FTO: variants seen among roughly 807,000 people sequenced by gnomAD.
The protein encoded by FTO is FTO alpha-ketoglutarate dependent dioxygenase, also known as alpha-ketoglutarate-dependent dioxygenase FTO.
Under a neutral mutation model 63.9 loss-of-function variants are expected in FTO, and 47 were observed. The ratio of observed to expected loss-of-function variants is 0.74; its 90% confidence interval spans 0.58 to 0.94. The LOEUF (loss-of-function observed/expected upper bound fraction) is 0.94. Among genes scored for constraint, FTO ranks in the 40% least tolerant of loss-of-function variants. FTO has a pLI of 0.00. For synonymous variants in FTO, 207 were observed against 224.4 expected (o/e 0.92, Z 0.69); for missense variants, 562 against 618.1 (o/e 0.91, Z 0.96).
intron 7 of FTO, among the ~76,000 whole-genome samples, chr16:53,894,595 A>AT (rs1230062412): frequency 2.0e-5 from 3 of 150,938 alleles, no homozygotes; most frequent in Non-Finnish European, 4.4e-5. Context: ...TAAATATCGA[A>AT]TTTTTTTGTT....
chr16:53,960,573 G>A (rs2088352223), intron 8 of FTO, among the ~76,000 whole-genome samples: 1 of 152,140 alleles, frequency 6.6e-6, no homozygotes, highest in African/African-American at 2.4e-5. Flanking sequence ...CTTACCTCTG[G>A]TGCTGGGGGA....
intron 6 of FTO, among the ~76,000 whole-genome samples, chr16:53,880,937 T>TAAAAAAAAAA (rs34062544): frequency 1.0e-4 from 7 of 67,674 alleles, no homozygotes; most frequent in Non-Finnish European, 1.9e-4. Context: ...CCGTCTCTAC[T>TAAAAAAAAAA]AAAAAAAAAA....
intron 8 of FTO, among the ~76,000 whole-genome samples, chr16:54,055,515 A>G (rs1435949469): frequency 3.3e-5 from 5 of 152,208 alleles, no homozygotes; most frequent in Non-Finnish European, 5.9e-5. Flanking sequence ...TAAAGAAAGG[A>G]TATATAGGAA....
chr16:53,810,225 A>G lies in FTO; in HGVS notation c.123+8A>G, dbSNP rs774554017. ...GATGAATTCTATCAGCAGGTAAGGT[A>G]TTTTAATATTTTTATCAGTTTCAGT... On this transcript the variant is annotated splice_region_variant and intron_variant, in intron 2 of 8. Coordinates refer to ENST00000471389, the MANE Select transcript of FTO (RefSeq NM_001080432.3). The G allele has an allele frequency of 4.5e-6, 7 of 1,566,954 alleles. No individual in the cohort carries two copies. Among genetic ancestry groups the G allele is most frequent in the Non-Finnish European group, 6.2e-6 (7 of 1,138,094 alleles).
At chr16:53,869,628 A>C (rs1442534035) in intron 4 of FTO, among the ~76,000 whole-genome samples, 1 of 147,532 alleles carries the variant, frequency 6.8e-6, no homozygotes, top group African/African-American at 2.5e-5. Context: ...GAGATCTTTC[A>C]TCTGCCTTGC....
At chr16:54,008,978 C>T (rs1051069892) in intron 8 of FTO, among the ~76,000 whole-genome samples, 3 of 149,286 alleles carry the variant, frequency 2.0e-5, no homozygotes, top group East Asian at 3.9e-4. Context: ...TGCCTTTGCA[C>T]TCCAGCCTGA....
intron 8 of FTO, among the ~76,000 whole-genome samples, chr16:54,049,765 G>A (rs1292572716): frequency 1.3e-5 from 2 of 152,174 alleles, no homozygotes; most frequent in Admixed American, 1.3e-4. Flanking sequence ...TCAGAAGGTG[G>A]CCACTCTGAG....
Position 53,898,290 on chromosome 16 carries a change from G to T in FTO, c.1239+9339G>T, listed in dbSNP as rs961232407. The stretch of plus-strand genomic sequence containing the variant: ...CTTGCCCAGGATTTTTGCATGTGCC[G>T]CTGCCTTTGTCTGGAATGTCTGTCC... On this transcript the variant is annotated intron_variant, in intron 7 of 8. Transcript: ENST00000471389. Among the ~76,000 whole-genome samples the T allele has an allele frequency of 2.6e-5, 4 of 152,038 alleles. No homozygotes were observed. The South Asian group carries it at 8.3e-4, about 32-fold the overall frequency.
At chr16:53,798,516 T>C (rs1471304447) in intron 1 of FTO, among the ~76,000 whole-genome samples, 1 of 152,322 alleles carries the variant, frequency 6.6e-6, no homozygotes, top group East Asian at 1.9e-4. Flanking sequence ...GAGTACTTTA[T>C]AATTTTTGTT....
intron 1 of FTO, among the ~76,000 whole-genome samples, chr16:53,749,375 A>T (rs1323543888): frequency 6.6e-6 from 1 of 151,924 alleles, no homozygotes; most frequent in African/African-American, 2.4e-5. Flanking sequence ...ACTGAATAGA[A>T]GTGGCAAGAG....
intron 4 of FTO, among the ~76,000 whole-genome samples, chr16:53,857,470 CTATA>C (rs539268198): frequency 6.7e-6 from 1 of 148,994 alleles, no homozygotes. Context: ...CTCTCTCTTT[CTATA>C]TATATATAGG....
intron 4 of FTO, among the ~76,000 whole-genome samples, chr16:53,872,503 A>G (rs918952776): frequency 5.3e-5 from 8 of 152,152 alleles, no homozygotes; most frequent in Admixed American, 4.6e-4. Flanking sequence ...AACTGTTTCC[A>G]TGGAGTAAGT....
intron 2 of FTO, among the ~76,000 whole-genome samples, chr16:53,824,707 T>C (rs1246610546): frequency 6.6e-6 from 1 of 152,158 alleles, no homozygotes; most frequent in African/African-American, 2.4e-5. Flanking sequence ...ATCTTAACAA[T>C]GGTGGGCAAC....
intron 8 of FTO, among the ~76,000 whole-genome samples, chr16:54,018,458 A>G (rs1373383489): frequency 6.6e-6 from 1 of 151,950 alleles, no homozygotes; most frequent in South Asian, 2.1e-4. Flanking sequence ...ACATTCATTC[A>G]TGTGTTTGTG....
intron 2 of FTO, among the ~76,000 whole-genome samples, chr16:53,821,900 A>G (rs1021977872): frequency 6.6e-6 from 1 of 152,192 alleles, no homozygotes; most frequent in South Asian, 2.1e-4. Flanking sequence ...GTTGGCACAG[A>G]GTCACTACCC....
chr16:53,858,930 A>G (rs894972166), intron 4 of FTO, among the ~76,000 whole-genome samples: 14 of 152,222 alleles, frequency 9.2e-5, no homozygotes, highest in African/African-American at 3.4e-4. Flanking sequence ...AAGTGCTGGG[A>G]TTACAGGCAT....
chr16:53,966,341 A>G (rs1169840976), intron 8 of FTO, among the ~76,000 whole-genome samples: 1 of 152,226 alleles, frequency 6.6e-6, no homozygotes, highest in Middle Eastern at 3.2e-3. Context: ...TTCTATGTGG[A>G]ATTGCCCATA....
chr16:54,081,071 AT>A (rs1173824629), intron 8 of FTO, among the ~76,000 whole-genome samples: 11 of 152,004 alleles, frequency 7.2e-5, no homozygotes, highest in African/African-American at 1.9e-4. Flanking sequence ...AGGAGTTGGG[AT>A]TTTTTTTCCC....
At chr16:53,965,014 C>T (rs991929317) in intron 8 of FTO, among the ~76,000 whole-genome samples, 3 of 152,164 alleles carry the variant, frequency 2.0e-5, no homozygotes, top group Middle Eastern at 3.2e-3. Context: ...GTTTATGAGT[C>T]ATTCACCCTA....
Sources: gnomAD v4.1 joint callset for allele counts (sites outside exome capture counted in the v4.1 genomes callset) on GRCh38, gnomAD v4.1.1 for gene constraint, MANE v1.5 for transcripts, NCBI Gene and HGNC (gene_info 2026-07-23, HGNC 2026-07-21) for gene names.